Variants in HSF2BP observed in about 807,000 individuals in gnomAD.
HSF2BP encodes the protein heat shock transcription factor 2 binding protein.
A neutral mutation model predicts 35.0 loss-of-function variants in HSF2BP; 35 were observed. That is an observed-to-expected ratio of 1.00 (90% CI 0.76 to 1.32). The LOEUF (loss-of-function observed/expected upper bound fraction) is 1.32, where lower values mean the gene tolerates loss of function less well. Ranked by LOEUF, HSF2BP falls within the 40% of genes most tolerant of loss-of-function variation. The probability of loss-of-function intolerance (pLI) is 0.00; values close to 1 mark genes in which losing one functional copy is unlikely to be tolerated. For synonymous variants in HSF2BP, 114 were observed against 117.4 expected (o/e 0.97, Z 0.18); for missense variants, 326 against 321.7 (o/e 1.01, Z -0.10).
At chr21:43,604,481 C>T (rs879046846) in intron 7 of HSF2BP, among the ~76,000 whole-genome samples, 4 of 58,676 alleles carry the variant, frequency 6.8e-5, no homozygotes, top group Non-Finnish European at 1.5e-4. Flanking sequence ...GCACGCACAC[C>T]ATACACACAC....
At chr21:43,578,913 C>G (rs1415431134) in intron 8 of HSF2BP, among the ~76,000 whole-genome samples, 1 of 151,934 alleles carries the variant, frequency 6.6e-6, no homozygotes, top group Non-Finnish European at 1.5e-5. Flanking sequence ...AGTTGTGTAC[C>G]TTCCAGCCCG....
chr21:43,590,373 G>C lies in HSF2BP; in HGVS notation c.796+1852C>G, dbSNP rs956854488. The stretch of plus-strand genomic sequence containing the variant: ...GAGAATGACCATACACTAATACAAT[G>C]CTGCTGGGAATGTAAGATGGTACAA... On this transcript the variant is annotated intron_variant, in intron 8 of 8. Transcript: ENST00000291560. Among the ~76,000 whole-genome samples the C allele has an allele frequency of 3.3e-5, 5 of 152,200 alleles. No individual in the cohort carries two copies. The South Asian group carries it at 8.3e-4, about 25-fold the overall frequency.
chr21:43,656,780 GAAA>G, intron 2 of HSF2BP, 43 bp from the exon 3 acceptor site: 3 of 1,548,470 alleles, frequency 1.9e-6, no homozygotes, highest in Non-Finnish European at 2.6e-6. Flanking sequence ...CTTCACATGA[GAAA>G]AAAAACAACA....
intron 7 of HSF2BP, among the ~76,000 whole-genome samples, chr21:43,603,806 T>C (rs1190482658): frequency 6.6e-6 from 1 of 152,064 alleles, no homozygotes; most frequent in Non-Finnish European, 1.5e-5. Context: ...CCCGAAACCA[T>C]ATGGCTGGGG....
chr21:43,572,523 T>A (rs999117010), intron 8 of HSF2BP, among the ~76,000 whole-genome samples: 1 of 152,138 alleles, frequency 6.6e-6, no homozygotes, highest in Non-Finnish European at 1.5e-5. Flanking sequence ...ATTTCCTACA[T>A]CCAGCACAAG....
At chr21:43,587,620 A>G (rs1252863221) in intron 8 of HSF2BP, among the ~76,000 whole-genome samples, 1 of 148,072 alleles carries the variant, frequency 6.8e-6, no homozygotes, top group Non-Finnish European at 1.5e-5. Flanking sequence ...AGCAGAGATC[A>G]CACCATTGCA....
intron 7 of HSF2BP, among the ~76,000 whole-genome samples, chr21:43,610,469 C>T (rs1023400115): frequency 2.0e-5 from 3 of 149,312 alleles, no homozygotes; most frequent in South Asian, 4.2e-4. Context: ...CGCATGGTGG[C>T]GTGCAGAGTA....
intron 7 of HSF2BP, among the ~76,000 whole-genome samples, chr21:43,602,317 C>T (rs1449188342): frequency 6.6e-6 from 1 of 152,216 alleles, no homozygotes; most frequent in African/African-American, 2.4e-5. Flanking sequence ...TGTGACTATT[C>T]CAGACGAATT....
chr21:43,572,860 C>T (rs1377376972), intron 8 of HSF2BP, among the ~76,000 whole-genome samples: 1 of 152,192 alleles, frequency 6.6e-6, no homozygotes, highest in Non-Finnish European at 1.5e-5. Context: ...GACTTTTCTT[C>T]TCTATGCTAT....
At position 43,604,608 on chromosome 21, in the gene HSF2BP, TACC is replaced by T. The variant is rs201590566; in HGVS notation, c.692+9219_692+9221del. Among the ~76,000 whole-genome samples the T allele has an allele frequency of 8.6e-3, 832 of 96,202 alleles. 6 individuals carry two copies. The highest frequency in any genetic ancestry group is 0.02 in the East Asian group (56 of 2,830). The allele number at this position is 96,202 out of a possible 152,430, so 63.1% of individuals were successfully genotyped here. ...CACACCACCATACACACATCACACA[TACC>T]ACATCATACACCACACAATCATACA... is the stretch of plus-strand genomic sequence containing the variant. On this transcript the variant is annotated intron_variant, in intron 7 of 8. Transcript: ENST00000291560.
intron 8 of HSF2BP, among the ~76,000 whole-genome samples, chr21:43,589,867 C>T (rs561133598): frequency 2.8e-4 from 42 of 152,122 alleles, no homozygotes; most frequent in Non-Finnish European, 5.1e-4. Context: ...AAACTCTCAC[C>T]ACAAACAGAT....
chr21:43,609,726 C>T (rs929690247), intron 7 of HSF2BP, among the ~76,000 whole-genome samples: 7 of 151,964 alleles, frequency 4.6e-5, no homozygotes, highest in Non-Finnish European at 1.0e-4. Flanking sequence ...TGTGGTGAGA[C>T]GGAACAAGCC....
At chr21:43,586,978 C>T (rs934843862) in intron 8 of HSF2BP, among the ~76,000 whole-genome samples, 3 of 152,040 alleles carry the variant, frequency 2.0e-5, no homozygotes, top group Non-Finnish European at 2.9e-5. Flanking sequence ...TAAACTAGAT[C>T]TACCTAAAAC....
At chr21:43,627,198 T>C (rs868838998) in intron 6 of HSF2BP, among the ~76,000 whole-genome samples, 8 of 152,332 alleles carry the variant, frequency 5.3e-5, no homozygotes, top group Middle Eastern at 6.8e-3. Flanking sequence ...ATTTAGTTCC[T>C]GGACTTTATC....
chr21:43,592,358 T>C, intron 7 of HSF2BP, 30 bp from the exon 8 acceptor site: 1 of 1,431,232 alleles, frequency 7.0e-7, no homozygotes, highest in Non-Finnish European at 9.9e-7. Flanking sequence ...GGTGTTGGAA[T>C]GCTCCATCCA....
intron 8 of HSF2BP, among the ~76,000 whole-genome samples, chr21:43,576,882 T>C (rs1469884621): frequency 6.6e-6 from 1 of 152,210 alleles, no homozygotes; most frequent in Non-Finnish European, 1.5e-5. Context: ...ATTATTCAGC[T>C]AAACCATGTG....
At chr21:43,573,907 G>A (rs1601603619) in intron 8 of HSF2BP, among the ~76,000 whole-genome samples, 2 of 152,186 alleles carry the variant, frequency 1.3e-5, no homozygotes, top group African/African-American at 2.4e-5. Context: ...GAGTAGTTTC[G>A]TTTGCTAAGT....
At chr21:43,656,444 T>C (rs2082869230) in intron 3 of HSF2BP, 143 bp downstream of exon 3, 2 of 809,762 alleles carry the variant, frequency 2.5e-6, no homozygotes, top group Admixed American at 2.9e-5. Context: ...GAAACCTCCC[T>C]TTCTTAGGTC....
In HSF2BP at chr21:43,656,677, T is replaced by G. The variant is rs771108073; in HGVS notation, c.97A>C (p.Thr33Pro). 3.7e-6 allele frequency: 6 copies of G among 1,614,076 alleles called. No homozygotes were observed. Among genetic ancestry groups the G allele is most frequent in the Non-Finnish European group, 5.1e-6 (6 of 1,179,924 alleles). The change falls in exon 3 of 9, where the codon ACT becomes CCT. Residue 33 changes from threonine (T) to proline (P), a missense_variant. By Grantham distance (38) the Thr-to-Pro change is conservative. Coordinates refer to ENST00000291560, the MANE Select transcript of HSF2BP (RefSeq NM_007031.2). ...AAGTCCCGTATTTGCATCACTTCAG[T>G]TGTCAGCCGTTCCAGATCCTTCTTT... The part of the protein sequence containing the change: ...VRKKDLERLT[T>P]EVMQIRDFLP...
Sources: allele counts gnomAD v4.1 joint callset (sites outside exome capture counted in the v4.1 genomes callset), GRCh38; gene constraint gnomAD v4.1.1; transcripts MANE v1.5; gene names NCBI Gene and HGNC (gene_info 2026-07-23, HGNC 2026-07-21).